Variants in TYW1B observed in about 807,000 individuals in gnomAD.
The protein encoded by TYW1B is S-adenosyl-L-methionine-dependent tRNA 4-demethylwyosine synthase TYW1B.
In TYW1B, 73 loss-of-function variants were observed where a neutral mutation model predicts 86.9. The observed-to-expected ratio is 0.84, with a 90% CI of 0.70 to 1.02. TYW1B has a LOEUF of 1.02. Among genes scored for constraint, TYW1B ranks in the 50% least tolerant of loss-of-function variants. The pLI is 0.00. For missense variants in TYW1B, 637 were observed against 827.4 expected (o/e 0.77, Z 2.82); for synonymous variants, 248 against 292.8 (o/e 0.85, Z 1.56).
At chr7:72,676,637 C>T (rs868936797) in intron 11 of TYW1B, among the ~76,000 whole-genome samples, 1 of 152,012 alleles carries the variant, frequency 6.6e-6, no homozygotes, top group Non-Finnish European at 1.5e-5. Flanking sequence ...TAGTTGGATG[C>T]TTCAGCATAA....
intron 11 of TYW1B, among the ~76,000 whole-genome samples, chr7:72,643,033 A>C (rs1812839421): frequency 6.6e-6 from 1 of 152,242 alleles, no homozygotes; most frequent in Non-Finnish European, 1.5e-5. Context: ...TGTTTTGTAA[A>C]TAAACTAAAA....
chr7:72,812,498 G>C (rs1321111348), intron 3 of TYW1B, among the ~76,000 whole-genome samples: 10 of 152,050 alleles, frequency 6.6e-5, no homozygotes, highest in Non-Finnish European at 1.5e-4. Flanking sequence ...TAAGTTACAA[G>C]TAATCTCTTA....
chr7:72,785,581 C>T (rs1554472301), intron 6 of TYW1B, among the ~76,000 whole-genome samples: 1 of 151,776 alleles, frequency 6.6e-6, no homozygotes, highest in East Asian at 1.9e-4. Context: ...AATGAGAAAA[C>T]AGAAGCACAG....
At chr7:72,583,510 G>T (rs1811205901) in intron 13 of TYW1B, among the ~76,000 whole-genome samples, 1 of 152,192 alleles carries the variant, frequency 6.6e-6, no homozygotes, top group Non-Finnish European at 1.5e-5. Flanking sequence ...GTGTGTTTGT[G>T]TTTGAGGAGG....
intron 7 of TYW1B, among the ~76,000 whole-genome samples, chr7:72,754,588 C>A (rs1396075456): frequency 6.6e-6 from 1 of 152,032 alleles, no homozygotes; most frequent in Admixed American, 6.6e-5. Context: ...CAAGCACATG[C>A]CACCATGTCT....
chr7:72,769,716 C>G (rs2129571863), intron 7 of TYW1B, among the ~76,000 whole-genome samples: 1 of 152,236 alleles, frequency 6.6e-6, no homozygotes, highest in South Asian at 2.1e-4. Flanking sequence ...AGTCAAACAA[C>G]TCAGTCTGAA....
At chr7:72,595,462 T>C (rs1345950155) in intron 13 of TYW1B, among the ~76,000 whole-genome samples, 10 of 152,178 alleles carry the variant, frequency 6.6e-5, no homozygotes, top group Non-Finnish European at 1.0e-4. Flanking sequence ...GGTGGGCAGA[T>C]TGCTTGAGCT....
chr7:72,814,432 A>T (rs1788683170), intron 3 of TYW1B, among the ~76,000 whole-genome samples: 2 of 151,920 alleles, frequency 1.3e-5, no homozygotes, highest in Non-Finnish European at 2.9e-5. Context: ...AAACTACAAA[A>T]AATTAGCCGG....
At chr7:72,581,208 G>T (rs1811142777) in intron 13 of TYW1B, among the ~76,000 whole-genome samples, 1 of 132,224 alleles carries the variant, frequency 7.6e-6, no homozygotes, top group Admixed American at 8.2e-5. Flanking sequence ...ATTCAGAAAG[G>T]ATCTGTGGTC....
intron 13 of TYW1B, among the ~76,000 whole-genome samples, chr7:72,611,669 G>T (rs1201878561): frequency 6.6e-6 from 1 of 152,136 alleles, no homozygotes; most frequent in Non-Finnish European, 1.5e-5. Flanking sequence ...GACAAATACA[G>T]GGACCATTGT....
intron 13 of TYW1B, among the ~76,000 whole-genome samples, chr7:72,601,203 A>G (rs1231851011): frequency 6.6e-6 from 1 of 152,054 alleles, no homozygotes; most frequent in African/African-American, 2.4e-5. Context: ...ACAAGATCTG[A>G]GCAGACACAT....
chr7:72,602,334 G>A (rs1811685844), intron 13 of TYW1B, among the ~76,000 whole-genome samples: 1 of 152,148 alleles, frequency 6.6e-6, no homozygotes, highest in Non-Finnish European at 1.5e-5. Flanking sequence ...TCACTGTTGG[G>A]TTGGGAATTT....
At chr7:72,766,533 G>A (rs1304197005) in intron 7 of TYW1B, among the ~76,000 whole-genome samples, 1 of 138,942 alleles carries the variant, frequency 7.2e-6, no homozygotes, top group East Asian at 2.2e-4. Flanking sequence ...AGAATCACTT[G>A]AACCCAGAAG....
At chr7:72,621,858 T>C (rs1175921077) in intron 12 of TYW1B, among the ~76,000 whole-genome samples, 1 of 152,208 alleles carries the variant, frequency 6.6e-6, no homozygotes, top group Non-Finnish European at 1.5e-5. Flanking sequence ...TAAACGCTGG[T>C]TAGGGACTGC....
intron 12 of TYW1B, among the ~76,000 whole-genome samples, chr7:72,626,489 C>T (rs1342244979): frequency 1.4e-4 from 21 of 152,122 alleles, no homozygotes; most frequent in African/African-American, 4.3e-4. Flanking sequence ...ATTTAAACTT[C>T]TACTTGGATA....
intron 11 of TYW1B, among the ~76,000 whole-genome samples, chr7:72,678,619 C>CTTTTTTT (rs56738372): frequency 4.2e-4 from 46 of 110,400 alleles, no homozygotes; most frequent in African/African-American, 6.2e-4. Context: ...AATTCCAGCA[C>CTTTTTTT]TTTTTTTTTT....
At chr7:72,706,184 T>A (rs1342597211) in intron 10 of TYW1B, among the ~76,000 whole-genome samples, 2 of 152,046 alleles carry the variant, frequency 1.3e-5, no homozygotes, top group African/African-American at 4.8e-5. Flanking sequence ...ATCCCAGCAC[T>A]TTGGGAGGCC....
chr7:72,640,680 G>A (rs1436905744), intron 11 of TYW1B, among the ~76,000 whole-genome samples: 2 of 152,060 alleles, frequency 1.3e-5, no homozygotes, highest in Non-Finnish European at 2.9e-5. Context: ...TCAATATGAA[G>A]TAACAATTGA....
At chr7:72,661,318 A>C (rs1813325955) in intron 11 of TYW1B, among the ~76,000 whole-genome samples, 1 of 149,790 alleles carries the variant, frequency 6.7e-6, no homozygotes, top group African/African-American at 2.4e-5. Context: ...AAATTTACCC[A>C]CAGGTTTTTA....
Sources: allele counts gnomAD v4.1 joint callset (sites outside exome capture counted in the v4.1 genomes callset), GRCh38; gene constraint gnomAD v4.1.1; transcripts MANE v1.5; gene names NCBI Gene and HGNC (gene_info 2026-07-23, HGNC 2026-07-21).